SCN9A: variants seen among roughly 807,000 people sequenced by gnomAD.
SCN9A encodes the protein sodium channel protein type 9 subunit alpha.
A neutral mutation model predicts 187.0 loss-of-function variants in SCN9A; 131 were observed. The observed-to-expected ratio is 0.70, with a 90% CI of 0.61 to 0.81. The LOEUF (loss-of-function observed/expected upper bound fraction) is 0.81. Ranked by LOEUF, SCN9A falls within the 30% of genes least tolerant of loss-of-function variation. The pLI is 0.00. For missense variants in SCN9A, 2,252 were observed against 2,396.6 expected (o/e 0.94, Z 1.26); for synonymous variants, 809 against 808.6 (o/e 1.00, Z -0.01).
chr2:166,222,949 A>AAC (rs1694671715), intron 24 of SCN9A, among the ~76,000 whole-genome samples: 9 of 116,878 alleles, frequency 7.7e-5, no homozygotes, highest in East Asian at 4.2e-4. Flanking sequence ...AAACAACAAA[A>AAC]AAAAAAAAAA....
intron 1 of SCN9A, among the ~76,000 whole-genome samples, chr2:166,346,813 A>G (rs1699912301): frequency 1.3e-5 from 2 of 152,202 alleles, no homozygotes; most frequent in African/African-American, 4.8e-5. Context: ...GTACATAATA[A>G]AGTATGTAAT....
intron 1 of SCN9A, among the ~76,000 whole-genome samples, chr2:166,320,360 A>G (rs1453755378): frequency 6.6e-6 from 1 of 152,146 alleles, no homozygotes. Context: ...CTGTTCTGTT[A>G]CCTTCACTGG....
At position 166,198,184 on chromosome 2, in the gene SCN9A, A is replaced by G. The variant is rs1693299530; in HGVS notation, c.*488T>C. 1 of 155,698 alleles carries G rather than the reference A, an allele frequency of 6.4e-6. No homozygotes were observed. The highest frequency in any genetic ancestry group is 1.4e-5 in the Non-Finnish European group (1 of 70,150). 9.6% of individuals were successfully genotyped at this position (155,698 alleles called of 1,614,324 possible). On this transcript the variant is annotated 3_prime_UTR_variant, in exon 27 of 27. Coordinates refer to ENST00000642356, the MANE Select transcript of SCN9A (RefSeq NM_001365536.1). ...TTGATAAAAAGTCAAGCTCCCTAAT[A>G]ATGCATTTTAACTAAACATTCATAA...
At chr2:166,312,845 C>T (rs1267709947) in intron 1 of SCN9A, among the ~76,000 whole-genome samples, 1 of 149,622 alleles carries the variant, frequency 6.7e-6, no homozygotes, top group Non-Finnish European at 1.5e-5. Flanking sequence ...CTATAAGTAT[C>T]AACACTGGGC....
chr2:166,336,066 A>G lies in SCN9A; in HGVS notation c.-50-24260T>C, dbSNP rs939581215. Among the ~76,000 whole-genome samples the G allele has an allele frequency of 4.6e-5, 7 of 152,070 alleles. 1 individual carries two copies. The highest frequency in any genetic ancestry group is 3.9e-4 in the Admixed American group (6 of 15,232). On this transcript the variant is annotated intron_variant, in intron 1 of 26. Coordinates refer to ENST00000642356, the MANE Select transcript of SCN9A (RefSeq NM_001365536.1). ...TTATGTAAAGAACTTGAGCATCTCC[A>G]GATTTCAGTATCTCATGAGGTCCTA...
At chr2:166,324,292 C>A (rs1256054132) in intron 1 of SCN9A, among the ~76,000 whole-genome samples, 1 of 151,432 alleles carries the variant, frequency 6.6e-6, no homozygotes, top group East Asian at 2.0e-4. Context: ...GACTCCATCT[C>A]AAATAAATAA....
chr2:166,267,580 T>C (rs564332062), intron 17 of SCN9A, among the ~76,000 whole-genome samples: 54 of 151,990 alleles, frequency 3.6e-4, no homozygotes, highest in African/African-American at 1.2e-3. Context: ...GTAGAATGAA[T>C]TTAGAAGAAT....
chr2:166,247,384 G>A (rs986931741), intron 18 of SCN9A, among the ~76,000 whole-genome samples: 3 of 151,942 alleles, frequency 2.0e-5, no homozygotes, highest in Non-Finnish European at 2.9e-5. Context: ...AGTCACAAAG[G>A]AGTTGGTTAT....
intron 1 of SCN9A, among the ~76,000 whole-genome samples, chr2:166,345,547 G>T (rs1276114045): frequency 6.6e-6 from 1 of 151,952 alleles, no homozygotes; most frequent in African/African-American, 2.4e-5. Context: ...GGGAAAAGGG[G>T]TTTATTGATT....
chr2:166,223,557 T>C (rs751735753), intron 24 of SCN9A, among the ~76,000 whole-genome samples: 17 of 152,238 alleles, frequency 1.1e-4, no homozygotes, highest in Non-Finnish European at 1.8e-4. Context: ...AGAATGGTGA[T>C]TGCCAGGGCA....
chr2:166,360,801 C>T (rs1700266044), intron 1 of SCN9A, among the ~76,000 whole-genome samples: 1 of 152,170 alleles, frequency 6.6e-6, no homozygotes, highest in South Asian at 2.1e-4. Context: ...ATCCTTCTTC[C>T]CTATACAGAC....
intron 1 of SCN9A, among the ~76,000 whole-genome samples, chr2:166,333,667 C>T (rs991231881): frequency 1.3e-5 from 2 of 151,896 alleles, no homozygotes; most frequent in African/African-American, 4.8e-5. Context: ...GATTAGATTG[C>T]ATATTTTGAT....
intron 2 of SCN9A, among the ~76,000 whole-genome samples, chr2:166,307,567 G>C (rs1445182131): frequency 6.6e-6 from 1 of 152,144 alleles, no homozygotes; most frequent in Non-Finnish European, 1.5e-5. Context: ...TTCCTAAGTT[G>C]AAGGAACGTC....
chr2:166,363,427 C>T (rs948540887), intron 1 of SCN9A, among the ~76,000 whole-genome samples: 1 of 152,060 alleles, frequency 6.6e-6, no homozygotes, highest in African/African-American at 2.4e-5. Context: ...TGAAGGGTCC[C>T]TAAATTCATT....
rs1559030980 is a variant in SCN9A at position 166,306,980 on chromosome 2, A to G, written c.353T>C (p.Ile118Thr). 6.3e-7 allele frequency: 1 copy of G among 1,597,206 alleles called. No individual in the cohort carries two copies. The highest frequency in any genetic ancestry group is 8.6e-7 in the Non-Finnish European group (1 of 1,165,202). The change falls in exon 3 of 27, where the codon ATA becomes ACA. Residue 118 changes from isoleucine (I) to threonine (T), a missense_variant. This residue lies in a region of SCN9A where 1,013 missense variants were observed against 997.4 expected (regional missense o/e 1.02). Transcript: ENST00000642356. Reference protein sequence around the residue: ...MLSPFSPLRRISIKILVHSLF... With the variant: ...MLSPFSPLRRTSIKILVHSLF... ...TGAGTGTACTAAAATCTTAATAGATATTCTTCTTAGAGGACTGAAAGGAGA... is the reference window on the plus strand; with the variant it reads ...TGAGTGTACTAAAATCTTAATAGATGTTCTTCTTAGAGGACTGAAAGGAGA...
intron 14 of SCN9A, among the ~76,000 whole-genome samples, chr2:166,278,732 T>C (rs1248040341): frequency 6.6e-6 from 1 of 152,200 alleles, no homozygotes; most frequent in Non-Finnish European, 1.5e-5. Flanking sequence ...TGACTACTGT[T>C]AGAGTAATAA....
intron 1 of SCN9A, among the ~76,000 whole-genome samples, chr2:166,312,529 T>C (rs1282797961): frequency 6.6e-6 from 1 of 152,156 alleles, no homozygotes; most frequent in Admixed American, 6.5e-5. Flanking sequence ...CTCCCACAAA[T>C]CATTAATGTT....
chr2:166,262,139 A>G (rs1484073579), intron 17 of SCN9A, among the ~76,000 whole-genome samples: 1 of 151,934 alleles, frequency 6.6e-6, no homozygotes, highest in Non-Finnish European at 1.5e-5. Context: ...GAGAAGAATG[A>G]ATGTATCAGG....
chr2:166,212,049 C>T (rs1013048252), intron 24 of SCN9A, among the ~76,000 whole-genome samples: 1 of 152,126 alleles, frequency 6.6e-6, no homozygotes, highest in African/African-American at 2.4e-5. Context: ...TTTAAGAAAA[C>T]ATAGTTTGAA....
Sources: gnomAD v4.1 joint callset for allele counts (sites outside exome capture counted in the v4.1 genomes callset) on GRCh38, gnomAD v4.1.1 for gene constraint, gnomAD v4.1.1 regional missense constraint, MANE v1.5 for transcripts, NCBI Gene and HGNC (gene_info 2026-07-23, HGNC 2026-07-21) for gene names.